Variants in AMOTL1 observed in about 807,000 individuals in gnomAD.
AMOTL1 encodes angiomotin-like protein 1.
In AMOTL1, 45 loss-of-function variants were observed where a neutral mutation model predicts 102.9. That is an observed-to-expected ratio of 0.44 (90% confidence interval 0.34 to 0.56). The LOEUF (loss-of-function observed/expected upper bound fraction) is 0.56. Ranked by LOEUF, AMOTL1 falls within the 20% of genes least tolerant of loss-of-function variation. AMOTL1 has a pLI of 0.01. For synonymous variants in AMOTL1, 481 were observed against 484.7 expected, an observed-to-expected ratio of 0.99 and a Z score of 0.10; for missense variants, 1,114 against 1,225.6, an observed-to-expected ratio of 0.91 and a Z score of 1.36.
intron 2 of AMOTL1, 75 bp downstream of exon 2, chr11:94,795,235 A>G (rs1260233296): frequency 2.0e-6 from 3 of 1,526,332 alleles, no homozygotes; most frequent in Non-Finnish European, 2.7e-6. Context: ...TCTTTTGCAT[A>G]ATTCAGATGT....
rs1410232774 is a variant in AMOTL1 at position 94,816,533 on chromosome 11, A to G, written c.1122-4997A>G. Among the ~76,000 whole-genome samples the G allele has an allele frequency of 2.6e-5, 4 of 152,174 alleles. No homozygotes were observed. In the East Asian group the frequency reaches 7.7e-4, roughly 29 times the overall value. Reference sequence around the variant, plus strand: ...TGCCTTTTGGTAACTGGCCTAACAAACACATTTTATATTTTATTGAAATAA... The same window carrying G: ...TGCCTTTTGGTAACTGGCCTAACAAGCACATTTTATATTTTATTGAAATAA... On this transcript the variant is annotated intron_variant, in intron 3 of 12. Transcript: ENST00000433060.
At chr11:94,784,529 G>T (rs1226383799) in intron 1 of AMOTL1, among the ~76,000 whole-genome samples, 1 of 152,150 alleles carries the variant, frequency 6.6e-6, no homozygotes, top group African/African-American at 2.4e-5. Context: ...TTATTGAAAA[G>T]TAATAAATTA....
At chr11:94,731,468 G>T (rs1210623088) in intron 2 of AMOTL1, among the ~76,000 whole-genome samples, 12 of 152,194 alleles carry the variant, frequency 7.9e-5, no homozygotes, top group Admixed American at 7.2e-4. Flanking sequence ...AGAGTCAGGT[G>T]CCAAAATGAG....
chr11:94,837,667 C>T (rs2135678700), intron 6 of AMOTL1, among the ~76,000 whole-genome samples: 1 of 152,292 alleles, frequency 6.6e-6, no homozygotes, highest in South Asian at 2.1e-4. Context: ...ATTAATGTTA[C>T]TCAATTTAGG....
chr11:94,727,864 G>C (rs1371598447), intron 1 of AMOTL1, among the ~76,000 whole-genome samples: 1 of 152,108 alleles, frequency 6.6e-6, no homozygotes, highest in Non-Finnish European at 1.5e-5. Flanking sequence ...ATTGTTATTT[G>C]TTTGGTGCAT....
At chr11:94,814,821 A>G (rs969463063) in intron 3 of AMOTL1, among the ~76,000 whole-genome samples, 15 of 152,234 alleles carry the variant, frequency 9.9e-5, no homozygotes, top group Admixed American at 9.2e-4. Context: ...TCATGGGACT[A>G]TAATGCCACT....
rs1290011046 is a variant in AMOTL1, at chr11:94,870,648, C to T, written c.2765-41C>T. 7.3e-6 allele frequency: 11 copies of T among 1,497,084 alleles called. No homozygotes were observed. The East Asian group carries it at 1.7e-4, about 23-fold the overall frequency. The allele number at this position is 1,497,084 out of a possible 1,614,324, so 92.7% of individuals were successfully genotyped here. ...GAGAACCTGGAAAGCCTATGCCCCT[C>T]CTGAGGAATGGGCAGCTGATGTTTC... On this transcript the variant is annotated intron_variant, in intron 12 of 12. Transcript: ENST00000433060.
intron 1 of AMOTL1, among the ~76,000 whole-genome samples, chr11:94,716,434 T>A (rs1318265374): frequency 6.6e-6 from 1 of 152,154 alleles, no homozygotes; most frequent in African/African-American, 2.4e-5. Flanking sequence ...CTGGACATTT[T>A]GGGTATTATT....
chr11:94,731,741 C>G (rs1950356395), intron 2 of AMOTL1, among the ~76,000 whole-genome samples: 1 of 152,126 alleles, frequency 6.6e-6, no homozygotes, highest in Admixed American at 6.5e-5. Context: ...CATCATTCAG[C>G]TCACAAATGG....
At chr11:94,713,247 G>A (rs1283447586) in intron 1 of AMOTL1, among the ~76,000 whole-genome samples, 3 of 151,706 alleles carry the variant, frequency 2.0e-5, no homozygotes, top group Admixed American at 6.6e-5. Flanking sequence ...ACTCTTTTGA[G>A]TATTTGACTA....
chr11:94,808,281 C>G (rs1345201201), intron 3 of AMOTL1, among the ~76,000 whole-genome samples: 1 of 151,204 alleles, frequency 6.6e-6, no homozygotes, highest in African/African-American at 2.4e-5. Context: ...TATTCTTTTA[C>G]CCTCCTCTCA....
rs145530284 is a variant in AMOTL1 at position 94,728,568 on chromosome 11, G to A, written c.-50-353G>A. ...TTCAAGTTTTTTTAGTCATTTTTTA[G>A]GCAAATAGAAGAGTGTGTATCTTTT... On this transcript the variant is annotated intron_variant, in intron 1 of 4. Transcript: ENST00000299004. Among the ~76,000 whole-genome samples, 647 of 152,142 alleles carry A rather than the reference G, an allele frequency of 4.3e-3. 6 individuals are homozygous for A. The highest frequency in any genetic ancestry group is 0.015 in the African/African-American group (614 of 41,518).
At chr11:94,716,956 G>A (rs1950107729) in intron 1 of AMOTL1, among the ~76,000 whole-genome samples, 1 of 152,080 alleles carries the variant, frequency 6.6e-6, no homozygotes, top group South Asian at 2.1e-4. Context: ...TTATTTCTCT[G>A]GTAGGACTCT....
chr11:94,745,324 C>G (rs1430667261), intron 3 of AMOTL1, among the ~76,000 whole-genome samples: 2 of 151,142 alleles, frequency 1.3e-5, no homozygotes, highest in Admixed American at 1.3e-4. Flanking sequence ...GAATTCCAAC[C>G]TTTTAATAAT....
At chr11:94,741,582 A>G (rs975894711) in intron 3 of AMOTL1, among the ~76,000 whole-genome samples, 1 of 152,062 alleles carries the variant, frequency 6.6e-6, no homozygotes, top group Non-Finnish European at 1.5e-5. Context: ...TGGTAAGTGG[A>G]GATTTGCGAT....
intron 3 of AMOTL1, among the ~76,000 whole-genome samples, chr11:94,812,234 A>T (rs1330146941): frequency 6.6e-6 from 1 of 152,192 alleles, no homozygotes; most frequent in East Asian, 1.9e-4. Flanking sequence ...TATCTGAGAC[A>T]GATCTCAGGA....
At chr11:94,802,122 A>T (rs1202442893) in intron 3 of AMOTL1, among the ~76,000 whole-genome samples, 1 of 152,150 alleles carries the variant, frequency 6.6e-6, no homozygotes, top group Non-Finnish European at 1.5e-5. Flanking sequence ...CAACTGTGAG[A>T]TCTTGGCCAG....
intron 4 of AMOTL1, among the ~76,000 whole-genome samples, chr11:94,826,351 C>G (rs970434510): frequency 6.6e-6 from 1 of 152,160 alleles, no homozygotes; most frequent in Non-Finnish European, 1.5e-5. Flanking sequence ...ATAACTCTGT[C>G]CTCTGTAATC....
intron 1 of AMOTL1, among the ~76,000 whole-genome samples, chr11:94,779,669 C>T (rs1291464776): frequency 6.6e-6 from 1 of 152,066 alleles, no homozygotes; most frequent in Non-Finnish European, 1.5e-5. Flanking sequence ...GATCAACACC[C>T]ACAGAATAGG....
Sources: allele counts gnomAD v4.1 joint callset (sites outside exome capture counted in the v4.1 genomes callset), GRCh38; gene constraint gnomAD v4.1.1; transcripts MANE v1.5; gene names NCBI Gene and HGNC (gene_info 2026-07-23, HGNC 2026-07-21).